Variants in BMAL1 observed in about 807,000 individuals in gnomAD.
BMAL1 encodes the protein basic helix-loop-helix ARNT like 1.
chr11:13,290,328 A>T, the BMAL1 span, among the ~76,000 whole-genome samples: 1 of 152,310 alleles, frequency 6.6e-6, no homozygotes, highest in Admixed American at 6.5e-5. Flanking sequence ...CTTTCAGGAT[A>T]GTGACAGGCA....
the BMAL1 span, among the ~76,000 whole-genome samples, chr11:13,293,483 C>G: frequency 1.3e-5 from 2 of 152,150 alleles, no homozygotes; most frequent in Non-Finnish European, 2.9e-5. Context: ...AGACTGCAGC[C>G]CCATGGAGAT....
the BMAL1 span, among the ~76,000 whole-genome samples, chr11:13,343,266 G>A: frequency 6.6e-5 from 10 of 152,112 alleles, no homozygotes; most frequent in Non-Finnish European, 8.8e-5. Flanking sequence ...TGTTCTAAAG[G>A]GTCTAGAGCA....
At chr11:13,366,731 C>A in the BMAL1 span, 1 of 1,614,134 alleles carries the variant, frequency 6.2e-7, no homozygotes, top group Non-Finnish European at 8.5e-7. Flanking sequence ...AGTCAAGGAG[C>A]AGCTCTCCTC....
At chr11:13,311,538 G>T in the BMAL1 span, among the ~76,000 whole-genome samples, 1 of 152,196 alleles carries the variant, frequency 6.6e-6, no homozygotes, top group Admixed American at 6.5e-5. Flanking sequence ...ATAAATGAAG[G>T]ATAAAGAATT....
the BMAL1 span, among the ~76,000 whole-genome samples, chr11:13,319,851 C>G: frequency 7.2e-5 from 11 of 152,302 alleles, no homozygotes. Context: ...GGGGCCCTGC[C>G]AGGGAGTGCC....
chr11:13,354,207 AC>A, the BMAL1 span: 2 of 205,816 alleles, frequency 9.7e-6, no homozygotes, highest in Non-Finnish European at 1.5e-5. Flanking sequence ...CCGGCCCCCC[AC>A]CACCAAACCC....
At chr11:13,368,953 C>T in the BMAL1 span, among the ~76,000 whole-genome samples, 1 of 152,174 alleles carries the variant, frequency 6.6e-6, no homozygotes, top group Non-Finnish European at 1.5e-5. Context: ...TTTTTCTATA[C>T]TGTCTTTGAA....
the BMAL1 span, among the ~76,000 whole-genome samples, chr11:13,377,256 C>G: frequency 6.6e-6 from 1 of 152,198 alleles, no homozygotes; most frequent in Non-Finnish European, 1.5e-5. Flanking sequence ...CCCAGTCTCT[C>G]TCCCGAGCTC....
At chr11:13,284,269 T>TACA in the BMAL1 span, among the ~76,000 whole-genome samples, 40 of 30,880 alleles carry the variant, frequency 1.3e-3, 3 homozygotes, top group Non-Finnish European at 2.2e-3. Flanking sequence ...TATATATATT[T>TACA]TTTTTTTTAA....
the BMAL1 span, among the ~76,000 whole-genome samples, chr11:13,315,139 C>T: frequency 6.6e-6 from 1 of 152,176 alleles, no homozygotes; most frequent in Non-Finnish European, 1.5e-5. Context: ...AGGTGTCCTG[C>T]AGACCAGGAC....
the BMAL1 span, among the ~76,000 whole-genome samples, chr11:13,371,981 C>G: frequency 6.6e-6 from 1 of 152,204 alleles, no homozygotes; most frequent in Non-Finnish European, 1.5e-5. Context: ...CATTCTGACA[C>G]TGGATGACAG....
the BMAL1 span, among the ~76,000 whole-genome samples, chr11:13,329,638 T>C: frequency 6.6e-6 from 1 of 152,228 alleles, no homozygotes; most frequent in African/African-American, 2.4e-5. Flanking sequence ...CATCTCCTGA[T>C]TCTCTGCATG....
chr11:13,316,530 T>G, the BMAL1 span, among the ~76,000 whole-genome samples: 4 of 152,292 alleles, frequency 2.6e-5, no homozygotes, highest in African/African-American at 9.6e-5. Flanking sequence ...CCTTGGTGAC[T>G]TCACAGGGTT....
the BMAL1 span, among the ~76,000 whole-genome samples, chr11:13,362,761 C>A: frequency 1.3e-5 from 2 of 152,188 alleles, no homozygotes; most frequent in African/African-American, 4.8e-5. Flanking sequence ...ATCTCGAGAG[C>A]TGCCGTCGGT....
At chr11:13,298,153 C>T in the BMAL1 span, among the ~76,000 whole-genome samples, 62 of 152,312 alleles carry the variant, frequency 4.1e-4, no homozygotes, top group African/African-American at 1.5e-3. Context: ...GTAAGTGGCA[C>T]TCACTTCCTC....
At chr11:13,331,826 C>T in the BMAL1 span, among the ~76,000 whole-genome samples, 1 of 152,104 alleles carries the variant, frequency 6.6e-6, no homozygotes, top group South Asian at 2.1e-4. Flanking sequence ...ACTTCTCTTT[C>T]TGAGGCTGGA....
the BMAL1 span, among the ~76,000 whole-genome samples, chr11:13,334,986 G>C: frequency 6.6e-6 from 1 of 152,186 alleles, no homozygotes; most frequent in African/African-American, 2.4e-5. Context: ...ACGCATTCCG[G>C]TCACTATTTT....
chr11:13,332,954 G>C, the BMAL1 span, among the ~76,000 whole-genome samples: 1 of 145,602 alleles, frequency 6.9e-6, no homozygotes, highest in Non-Finnish European at 1.5e-5. Flanking sequence ...ATTAGTCATC[G>C]ATACTGTCTT....
At chr11:13,327,838 T>C in the BMAL1 span, among the ~76,000 whole-genome samples, 2 of 141,166 alleles carry the variant, frequency 1.4e-5, no homozygotes, top group Non-Finnish European at 3.1e-5. Context: ...CTCAAAAAAA[T>C]AAACGACAAG....
Sources: allele counts gnomAD v4.1 joint callset (sites outside exome capture counted in the v4.1 genomes callset), GRCh38; gene constraint gnomAD v4.1.1; transcripts MANE v1.5; gene names NCBI Gene and HGNC (gene_info 2026-07-23, HGNC 2026-07-21).